BBX: variants seen among roughly 807,000 people sequenced by gnomAD.
BBX encodes the protein BBX high mobility group box domain containing.
BBX carries 30 observed loss-of-function variants against 100.2 expected under a neutral mutation model. That is an observed-to-expected ratio of 0.30 (90% confidence interval 0.22 to 0.41). BBX has a LOEUF of 0.41. BBX is among the 10% of genes least tolerant of loss of function. The pLI is 1.00. For synonymous variants in BBX, 376 were observed against 388.1 expected (o/e 0.97, Z 0.37); for missense variants, 1,023 against 1,129.8 (o/e 0.91, Z 1.35).
chr3:107,680,814 T>C (rs957706604), intron 3 of BBX, among the ~76,000 whole-genome samples: 1 of 152,152 alleles, frequency 6.6e-6, no homozygotes. Context: ...AACCTTTCAT[T>C]AATTAAACAG....
intron 2 of BBX, among the ~76,000 whole-genome samples, chr3:107,616,044 CTGTTGTTGT>C (rs1180720999): frequency 1.5e-4 from 4 of 25,904 alleles, no homozygotes; most frequent in African/African-American, 3.3e-4. Flanking sequence ...TTTTTTTTTG[CTGTTGTTGT>C]TGTTGTTTAA....
At chr3:107,633,304 AATTAT>A (rs2056660225) in intron 2 of BBX, among the ~76,000 whole-genome samples, 1 of 152,086 alleles carries the variant, frequency 6.6e-6, no homozygotes, top group Admixed American at 6.5e-5. Flanking sequence ...ATAATAGTTG[AATTAT>A]ATTATTATTA....
chr3:107,740,629 A>G (rs566743158), intron 7 of BBX, among the ~76,000 whole-genome samples: 1 of 152,110 alleles, frequency 6.6e-6, no homozygotes, highest in Admixed American at 6.5e-5. Flanking sequence ...AGATTCTCCC[A>G]CTATACTCCA....
At chr3:107,772,607 C>A in intron 10 of BBX, 21 bp from the exon 11 acceptor site, 1 of 1,545,762 alleles carries the variant, frequency 6.5e-7, no homozygotes, top group South Asian at 1.3e-5. Flanking sequence ...GGTGCTCTCC[C>A]ATTTTGTTTT....
intron 3 of BBX, chr3:107,656,957 G>A (rs1020016825): frequency 2.6e-5 from 4 of 152,218 alleles, no homozygotes; most frequent in Non-Finnish European, 5.9e-5. Context: ...GGGCCAGTGG[G>A]ATGGGATACA....
intron 7 of BBX, among the ~76,000 whole-genome samples, chr3:107,740,169 A>C (rs1370904963): frequency 6.6e-6 from 1 of 151,978 alleles, no homozygotes; most frequent in Non-Finnish European, 1.5e-5. Flanking sequence ...CGCTTGTGTC[A>C]GGTAGCCGAG....
rs575187307 is a variant in BBX, at chr3:107,781,602, T to C, written c.2203+3083T>C. On this transcript the variant is annotated intron_variant, in intron 13 of 17. Coordinates refer to ENST00000325805, the MANE Select transcript of BBX (RefSeq NM_001142568.3). ...TTTGTTTTACACATGTTTTTACATG[T>C]ACTGATAATGTATGAAGCATTGTTT... is the stretch of plus-strand genomic sequence containing the variant. Among the ~76,000 whole-genome samples, 3 of 152,264 alleles carry C rather than the reference T, an allele frequency of 2.0e-5. No homozygotes were observed. In the East Asian group the frequency reaches 5.8e-4, roughly 29 times the overall value.
chr3:107,588,011 A>G (rs1017542209), intron 2 of BBX, among the ~76,000 whole-genome samples: 1 of 152,196 alleles, frequency 6.6e-6, no homozygotes, highest in African/African-American at 2.4e-5. Context: ...GATTTTTAAC[A>G]ATACGTATCA....
intron 7 of BBX, among the ~76,000 whole-genome samples, chr3:107,741,075 G>A (rs1219371037): frequency 6.6e-6 from 1 of 151,434 alleles, no homozygotes; most frequent in Non-Finnish European, 1.5e-5. Context: ...ATCAATAAAT[G>A]TTTGAATTAG....
rs1448764379 is a variant in BBX, at chr3:107,773,648, C to G, written c.1915+12C>G. On this transcript the variant is annotated intron_variant, in intron 11 of 17. Coordinates refer to ENST00000325805, the MANE Select transcript of BBX (RefSeq NM_001142568.3). This position sits in a 1 kb window ranked among gnomAD's most constrained non-coding sequence, Gnocchi z 4.1. ...TAATGTTGACAGAGGTAAGTAACTT[C>G]TACAAACCTGAAAAGAATTCAAAAA... 2.5e-6 allele frequency: 4 copies of G among 1,584,884 alleles called. No individual in the cohort carries two copies. Among genetic ancestry groups the G allele is most frequent in the Non-Finnish European group, 3.4e-6 (4 of 1,169,308 alleles).
Position 107,716,729 on chromosome 3 carries a change from C to T in BBX, c.285C>T (p.Arg95=), listed in dbSNP as rs1490620836. The T allele has an allele frequency of 6.2e-7, 1 of 1,613,814 alleles. No individual in the cohort carries two copies. The highest frequency in any genetic ancestry group is 1.1e-5 in the South Asian group (1 of 91,084). ...TTCTTTTATTTTGCAAACGCCATCG[C>T]TCTCTTGTACGTCAGGAACACCCCA... The part of the protein sequence containing the change: ...NAFLLFCKRH[R]SLVRQEHPRL... Residue 95 remains arginine, a synonymous_variant, in exon 5 of 18, where the codon CGC becomes CGT. Coordinates refer to ENST00000325805, the MANE Select transcript of BBX (RefSeq NM_001142568.3).
chr3:107,711,203 T>C (rs2061698045), intron 4 of BBX: 1 of 396,072 alleles, frequency 2.5e-6, no homozygotes, highest in Non-Finnish European at 5.2e-6. Flanking sequence ...AGTCAAAAGA[T>C]TTTCTTCATG....
intron 4 of BBX, among the ~76,000 whole-genome samples, chr3:107,715,239 C>A (rs778643455): frequency 7.9e-5 from 12 of 152,142 alleles, no homozygotes; most frequent in Non-Finnish European, 1.3e-4. Context: ...ATCAGCATCA[C>A]CTGGGAACTT....
chr3:107,668,309 G>A (rs887137575), intron 3 of BBX, among the ~76,000 whole-genome samples: 3 of 152,146 alleles, frequency 2.0e-5, no homozygotes, highest in Non-Finnish European at 2.9e-5. Context: ...CAAGCACTGT[G>A]TCTCATTTGA....
chr3:107,694,938 C>A (rs982278301), intron 3 of BBX, among the ~76,000 whole-genome samples: 1 of 151,546 alleles, frequency 6.6e-6, no homozygotes, highest in African/African-American at 2.4e-5. Flanking sequence ...GTGTATGTGT[C>A]GAGGAATTTA....
At chr3:107,583,716 A>C (rs1437520956) in intron 2 of BBX, among the ~76,000 whole-genome samples, 3 of 150,556 alleles carry the variant, frequency 2.0e-5, no homozygotes, top group Non-Finnish European at 4.4e-5. Flanking sequence ...TTCAGGCTTA[A>C]GAAATGTTTA....
At chr3:107,754,066 A>G (rs1437859190) in intron 9 of BBX, among the ~76,000 whole-genome samples, 2 of 152,176 alleles carry the variant, frequency 1.3e-5, no homozygotes, top group Non-Finnish European at 2.9e-5. Context: ...ATTACTGTTC[A>G]TATTTTGAAG....
chr3:107,571,225 A>G (rs909016725), intron 2 of BBX, among the ~76,000 whole-genome samples: 4 of 152,074 alleles, frequency 2.6e-5, no homozygotes, highest in East Asian at 1.9e-4. Context: ...CTGGGACGCA[A>G]TGTGGGTGAG....
At chr3:107,681,612 C>A (rs1390779109) in intron 3 of BBX, among the ~76,000 whole-genome samples, 1 of 152,066 alleles carries the variant, frequency 6.6e-6, no homozygotes, top group African/African-American at 2.4e-5. Context: ...AGCTTCCTCA[C>A]TGAGAAATGC....
Sources: gnomAD v4.1 joint callset for allele counts (sites outside exome capture counted in the v4.1 genomes callset) on GRCh38, gnomAD v4.1.1 for gene constraint, Gnocchi (gnomAD v3.1) non-coding constraint, MANE v1.5 for transcripts, NCBI Gene and HGNC (gene_info 2026-07-23, HGNC 2026-07-21) for gene names.